TTLL11: variants seen among roughly 807,000 people sequenced by gnomAD.
TTLL11 encodes the protein tubulin polyglutamylase TTLL11.
In TTLL11, 42 loss-of-function variants were observed where a neutral mutation model predicts 51.7. The observed-to-expected ratio is 0.81, with a 90% CI of 0.64 to 1.05. The LOEUF is 1.05. Ranked by LOEUF, TTLL11 falls within the 50% of genes least tolerant of loss-of-function variation. The pLI is 0.00. For synonymous variants in TTLL11, 381 were observed against 383.5 expected (o/e 0.99, Z 0.08); for missense variants, 799 against 940.4 (o/e 0.85, Z 1.97).
intron 6 of TTLL11, among the ~76,000 whole-genome samples, chr9:121,970,211 T>A (rs1209874803): frequency 1.3e-5 from 2 of 152,224 alleles, no homozygotes; most frequent in African/African-American, 2.4e-5. Context: ...GTGCTGCTAT[T>A]TATGACTTGA....
intron 4 of TTLL11, among the ~76,000 whole-genome samples, chr9:121,981,380 T>C (rs1842825717): frequency 2.6e-5 from 4 of 152,202 alleles, no homozygotes; most frequent in Admixed American, 2.6e-4. Context: ...AGATTATATT[T>C]TCTGTTATAG....
intron 1 of TTLL11, among the ~76,000 whole-genome samples, chr9:122,064,964 A>T (rs371993905): frequency 2.1e-4 from 32 of 152,298 alleles, no homozygotes; most frequent in African/African-American, 5.5e-4. Flanking sequence ...CCACTGTAAG[A>T]TAATGTGAGC....
intron 6 of TTLL11, among the ~76,000 whole-genome samples, chr9:121,940,397 G>A (rs577232462): frequency 4.0e-5 from 6 of 151,620 alleles, no homozygotes; most frequent in Admixed American, 1.3e-4. Context: ...GAGTGCAGTG[G>A]TATGATCTCG....
chr9:121,867,274 A>C (rs1017438388), intron 7 of TTLL11, among the ~76,000 whole-genome samples: 1 of 152,164 alleles, frequency 6.6e-6, no homozygotes, highest in Non-Finnish European at 1.5e-5. Context: ...TTTTACATAG[A>C]TATTTAGGAT....
intron 6 of TTLL11, 140 bp from the exon 7 acceptor site, chr9:121,870,888 C>T: frequency 1.0e-6 from 1 of 987,060 alleles, no homozygotes; most frequent in Non-Finnish European, 1.4e-6. Flanking sequence ...GAGAAGTGAC[C>T]TGCCCAAGCT....
At chr9:121,984,254 G>A (rs57195947) in intron 4 of TTLL11, among the ~76,000 whole-genome samples, 1 of 152,108 alleles carries the variant, frequency 6.6e-6, no homozygotes, top group Admixed American at 6.5e-5. Flanking sequence ...GGTTTAAAAT[G>A]TGAATATTTC....
chr9:121,918,820 C>T (rs1454216663), intron 6 of TTLL11, among the ~76,000 whole-genome samples: 4 of 152,210 alleles, frequency 2.6e-5, no homozygotes, highest in African/African-American at 9.7e-5. Flanking sequence ...CCCAACAACA[C>T]AGATGAATGT....
chr9:122,000,099 T>A (rs1385636544), intron 3 of TTLL11, among the ~76,000 whole-genome samples: 4 of 152,148 alleles, frequency 2.6e-5, no homozygotes, highest in African/African-American at 9.7e-5. Flanking sequence ...TAAAACCTAC[T>A]GTGCTGCATT....
rs552257516 is a variant in TTLL11, at chr9:122,073,853, C to T, written c.462+18834G>A. Among the ~76,000 whole-genome samples, 3 of 152,336 alleles carry T rather than the reference C, an allele frequency of 2.0e-5. No individual in the cohort carries two copies. In the East Asian group the frequency reaches 5.8e-4, roughly 29 times the overall value. Reference sequence around the variant, plus strand: ...TCATCTTGCCTTCCTCTGTCACCCACCATATTTGTACATACTTCCAATAGG... The same window carrying T: ...TCATCTTGCCTTCCTCTGTCACCCATCATATTTGTACATACTTCCAATAGG... On this transcript the variant is annotated intron_variant, in intron 1 of 8. Transcript: ENST00000321582.
chr9:122,083,810 G>GA (rs1338573386), intron 1 of TTLL11, among the ~76,000 whole-genome samples: 3 of 151,340 alleles, frequency 2.0e-5, no homozygotes, highest in African/African-American at 7.3e-5. Context: ...ACTCTATCTC[G>GA]AAAAAAAAGA....
At chr9:121,831,679 A>AAGAG (rs199999480) in intron 8 of TTLL11, among the ~76,000 whole-genome samples, 1 of 147,988 alleles carries the variant, frequency 6.8e-6, no homozygotes, top group African/African-American at 2.6e-5. Flanking sequence ...CAGCCTGGGC[A>AAGAG]AGAGAGAGAG....
At chr9:121,846,409 T>C (rs1837516814) in intron 8 of TTLL11, among the ~76,000 whole-genome samples, 1 of 152,220 alleles carries the variant, frequency 6.6e-6, no homozygotes, top group Non-Finnish European at 1.5e-5. Context: ...TAGTTGAACA[T>C]AGCAGCACCA....
At chr9:122,051,618 TTCTC>T (rs1011251259) in intron 1 of TTLL11, among the ~76,000 whole-genome samples, 18 of 152,126 alleles carry the variant, frequency 1.2e-4, no homozygotes, top group East Asian at 1.9e-4. Context: ...TCTGTCTCTC[TTCTC>T]TCTCTCTTTC....
At chr9:121,894,815 T>A (rs1158494682) in intron 6 of TTLL11, among the ~76,000 whole-genome samples, 1 of 152,044 alleles carries the variant, frequency 6.6e-6, no homozygotes, top group Non-Finnish European at 1.5e-5. Context: ...GGTTGATGGG[T>A]GCAGCAAACC....
chr9:121,842,044 A>G (rs1364721469), intron 8 of TTLL11, among the ~76,000 whole-genome samples: 1 of 152,140 alleles, frequency 6.6e-6, no homozygotes, highest in Non-Finnish European at 1.5e-5. Flanking sequence ...GGCAAAGGAC[A>G]GGGTATATTT....
At chr9:121,871,466 G>A (rs1405723002) in intron 6 of TTLL11, among the ~76,000 whole-genome samples, 1 of 152,098 alleles carries the variant, frequency 6.6e-6, no homozygotes, top group East Asian at 1.9e-4. Flanking sequence ...CAACAGGAAA[G>A]CACAGAATAA....
chr9:121,967,617 G>C (rs1278847965), intron 6 of TTLL11, among the ~76,000 whole-genome samples: 1 of 152,134 alleles, frequency 6.6e-6, no homozygotes, highest in Non-Finnish European at 1.5e-5. Context: ...ATAAAAACAG[G>C]AGTTCTAAAA....
chr9:121,826,217 T>TATACATATATATATATATATATATAC (rs1491163835), intron 8 of TTLL11, among the ~76,000 whole-genome samples: 1 of 58,114 alleles, frequency 1.7e-5, no homozygotes, highest in Non-Finnish European at 3.0e-5. Context: ...TATATATATA[T>TATACATATATATATATATATATATAC]GCACACATAT....
In TTLL11 at chr9:122,002,611, C is replaced by T. The variant is rs1453568250; in HGVS notation, c.694-12841G>A. On this transcript the variant is annotated intron_variant, in intron 3 of 8. Transcript: ENST00000321582. ...GATGGCAGAGGCAATGTTTTCCCATCCCCTGGGAAAACATCCAGATTCCCT... is the reference window on the plus strand; with the variant it reads ...GATGGCAGAGGCAATGTTTTCCCATTCCCTGGGAAAACATCCAGATTCCCT... 3.3e-5 allele frequency among the ~76,000 whole-genome samples: 5 copies of T among 152,234 alleles called. No homozygotes were observed. The East Asian group carries it at 7.7e-4, about 23-fold the overall frequency.
Sources: gnomAD v4.1 joint callset for allele counts (sites outside exome capture counted in the v4.1 genomes callset) on GRCh38, gnomAD v4.1.1 for gene constraint, MANE v1.5 for transcripts, NCBI Gene and HGNC (gene_info 2026-07-23, HGNC 2026-07-21) for gene names.